CD86: variants seen among roughly 807,000 people sequenced by gnomAD.
The protein encoded by CD86 is CD86 molecule, also known as T-lymphocyte activation antigen CD86.
A neutral mutation model predicts 32.1 loss-of-function variants in CD86; 11 were observed. That is an observed-to-expected ratio of 0.34 (90% CI 0.22 to 0.57). The LOEUF (loss-of-function observed/expected upper bound fraction) is 0.57. Ranked by LOEUF, CD86 falls within the 20% of genes least tolerant of loss-of-function variation. The pLI is 0.86. For missense variants in CD86, 359 were observed against 398.4 expected (o/e 0.90, Z 0.84); for synonymous variants, 137 against 135.3 (o/e 1.01, Z -0.09).
rs553416970 is a variant in CD86, at chr3:122,103,579, C to T, written c.132C>T (p.Asn44=). ...CAGACCTGCCATGCCAATTTGCAAA[C>T]TCTCAAAACCAAAGCCTGAGTGAGC... ...ETADLPCQFA[N]SQNQSLSELV... The change falls in exon 3 of 7, where the codon AAC becomes AAT. Residue 44 remains asparagine, a synonymous_variant. Transcript: ENST00000330540. 8.1e-6 allele frequency: 13 copies of T among 1,613,956 alleles called. No individual in the cohort carries two copies. In the South Asian group the frequency reaches 1.3e-4, roughly 16 times the overall value.
intron 2 of CD86, among the ~76,000 whole-genome samples, chr3:122,093,803 A>G (rs749578718): frequency 2.6e-5 from 4 of 152,088 alleles, no homozygotes; most frequent in Non-Finnish European, 4.4e-5. Context: ...TCTTGTTGTT[A>G]TTTCCCATTT....
chr3:122,075,977 G>A (rs145321469), intron 1 of CD86, among the ~76,000 whole-genome samples: 171 of 152,300 alleles, frequency 1.1e-3, no homozygotes, highest in African/African-American at 3.9e-3. Flanking sequence ...CTGTGAGGAA[G>A]CCAAAGCTCA....
rs80281558 is a variant in CD86, at chr3:122,071,728, AT to A, written c.14+16235del. On this transcript the variant is annotated intron_variant, in intron 1 of 6. Transcript: ENST00000330540. ...TTTACCATTTTGCATTCTTTTCTTT[AT>A]TTTTTTTTTATTATACTTTAAGTTT... Among the ~76,000 whole-genome samples, 634 of 149,540 alleles carry A rather than the reference AT, an allele frequency of 4.2e-3. 5 individuals are homozygous for A. Among genetic ancestry groups the A allele is most frequent in the Admixed American group, 7.3e-3 (110 of 15,008 alleles).
chr3:122,077,527 T>C (rs1289656327), intron 1 of CD86, among the ~76,000 whole-genome samples: 1 of 115,862 alleles, frequency 8.6e-6, no homozygotes, highest in Non-Finnish European at 2.0e-5. Context: ...CCCTCACTCA[T>C]TGAAGGCTGT....
rs376883741 is a variant in CD86 at position 122,109,332 on chromosome 3, T to G, written c.771T>G (p.Ile257Met). 1.9e-6 allele frequency: 3 copies of G among 1,613,888 alleles called. No homozygotes were observed. Among genetic ancestry groups the G allele is most frequent in the African/African-American group, 2.7e-5 (2 of 74,888 alleles). The change falls in exon 5 of 7, where the codon ATT (isoleucine) becomes ATG (methionine). Residue 257 changes from isoleucine (I) to methionine (M), a missense_variant. Physicochemically the swap from Ile to Met is conservative, Grantham distance 10 (BLOSUM62 1). Transcript: ENST00000330540. ...TTACAGCTGTACTTCCAACAGTTAT[T>G]ATATGTGTGATGGTTTTCTGTCTAA... ...PWITAVLPTV[I>M]ICVMVFCLIL...
chr3:122,066,350 A>AC (rs1463399461), intron 1 of CD86, among the ~76,000 whole-genome samples: 1 of 152,142 alleles, frequency 6.6e-6, no homozygotes, highest in East Asian at 1.9e-4. Flanking sequence ...GAAAGAAGTG[A>AC]CCAGGGACAA....
chr3:122,118,907 C>G (rs2073299480), intron 6 of CD86, among the ~76,000 whole-genome samples: 1 of 152,126 alleles, frequency 6.6e-6, no homozygotes, highest in Non-Finnish European at 1.5e-5. Flanking sequence ...TACCTCTATC[C>G]CTCCTGAGAA....
intron 2 of CD86, among the ~76,000 whole-genome samples, chr3:122,097,999 C>G (rs995541108): frequency 1.3e-5 from 2 of 152,180 alleles, no homozygotes; most frequent in African/African-American, 4.8e-5. Flanking sequence ...CAGCCCCCTT[C>G]AGAGACTGCC....
chr3:122,101,091 G>A (rs1490461296), intron 2 of CD86, among the ~76,000 whole-genome samples: 1 of 152,058 alleles, frequency 6.6e-6, no homozygotes, highest in Non-Finnish European at 1.5e-5. Context: ...CACTCAGAAT[G>A]GATTTCAAAG....
intron 2 of CD86, among the ~76,000 whole-genome samples, chr3:122,098,086 A>G (rs2072937300): frequency 6.6e-6 from 1 of 152,192 alleles, no homozygotes; most frequent in South Asian, 2.1e-4. Context: ...AGCCTCTTTA[A>G]TTGCCTGTGG....
intron 5 of CD86, among the ~76,000 whole-genome samples, chr3:122,117,038 A>G (rs1423862695): frequency 1.3e-5 from 2 of 152,162 alleles, no homozygotes; most frequent in African/African-American, 4.8e-5. Context: ...ATACCTCCAT[A>G]AAGCTGATTG....
At position 122,119,642 on chromosome 3, in the gene CD86, G is replaced by C. The variant is rs1224828275; in HGVS notation, c.*108G>C. ...AGAAGGCAAAAAGACATTACCATGA[G>C]TAATAAGGGGGCTCCAGGACTCCCT... On this transcript the variant is annotated 3_prime_UTR_variant, in exon 7 of 7. Coordinates refer to ENST00000330540, the MANE Select transcript of CD86 (RefSeq NM_175862.5). The C allele has an allele frequency of 4.4e-6, 3 of 678,218 alleles. No homozygotes were observed. The Admixed American group carries it at 7.8e-5, about 18-fold the overall frequency. 42.0% of individuals were successfully genotyped at this position (678,218 alleles called of 1,614,324 possible). A position where few individuals can be genotyped will look rare whatever the true frequency, so the allele number is the denominator to read the frequency against.
intron 1 of CD86, among the ~76,000 whole-genome samples, chr3:122,085,141 C>T (rs557534802): frequency 5.9e-5 from 9 of 152,094 alleles, no homozygotes; most frequent in South Asian, 2.1e-4. Context: ...GTGGAAGAAA[C>T]GAATGAATGA....
chr3:122,083,416 A>C (rs182768070), intron 1 of CD86, among the ~76,000 whole-genome samples: 6 of 152,206 alleles, frequency 3.9e-5, no homozygotes, highest in Admixed American at 3.9e-4. Context: ...CTCCTGCCTC[A>C]GCGCCTTTGC....
At chr3:122,106,525 T>C in intron 4 of CD86, 25 bp downstream of exon 4, 1 of 1,564,372 alleles carries the variant, frequency 6.4e-7, no homozygotes, top group South Asian at 1.2e-5. Flanking sequence ...CAAGACTATT[T>C]CTTTCAGCAG....
chr3:122,118,259 T>A (rs2073287227), intron 6 of CD86, among the ~76,000 whole-genome samples, 166 bp downstream of exon 6: 1 of 152,184 alleles, frequency 6.6e-6, no homozygotes, highest in Non-Finnish European at 1.5e-5. Flanking sequence ...AATAACCTGA[T>A]AATGGATGAC....
intron 5 of CD86, among the ~76,000 whole-genome samples, chr3:122,114,096 C>T (rs2107548785): frequency 6.6e-6 from 1 of 151,908 alleles, no homozygotes; most frequent in South Asian, 2.1e-4. Flanking sequence ...ACTAAACATA[C>T]AAAAATTAGC....
At chr3:122,074,802 C>T (rs1243182170) in intron 1 of CD86, among the ~76,000 whole-genome samples, 1 of 152,134 alleles carries the variant, frequency 6.6e-6, no homozygotes, top group East Asian at 1.9e-4. Flanking sequence ...TTGGCCTCTT[C>T]AGTCCTGAGA....
chr3:122,091,867 G>T (rs746790116), intron 2 of CD86: 7 of 550,070 alleles, frequency 1.3e-5, no homozygotes, highest in Non-Finnish European at 2.3e-5. Context: ...TCCCCCCCGT[G>T]TGCTTCTTCC....
Sources: allele counts gnomAD v4.1 joint callset (sites outside exome capture counted in the v4.1 genomes callset), GRCh38; gene constraint gnomAD v4.1.1; transcripts MANE v1.5; gene names NCBI Gene and HGNC (gene_info 2026-07-23, HGNC 2026-07-21).